TMEM71: variants seen among roughly 807,000 people sequenced by gnomAD.
TMEM71 encodes transmembrane protein 71.
In TMEM71, 44 loss-of-function variants were observed where a neutral mutation model predicts 38.0. That is an observed-to-expected ratio of 1.16 (90% CI 0.91 to 1.49). The LOEUF is 1.49. TMEM71 is among the 40% of genes most tolerant of loss of function. TMEM71 has a pLI of 0.00. For synonymous variants in TMEM71, 133 were observed against 122.5 expected (o/e 1.09, Z -0.56); for missense variants, 367 against 348.6 (o/e 1.05, Z -0.42).
chr8:132,738,508 T>C (rs1204593530), intron 5 of TMEM71, among the ~76,000 whole-genome samples: 1 of 152,200 alleles, frequency 6.6e-6, no homozygotes, highest in Non-Finnish European at 1.5e-5. Context: ...TTTAATTGCC[T>C]CAGAGCTCCC....
intron 5 of TMEM71, among the ~76,000 whole-genome samples, chr8:132,728,407 T>C (rs1209397420): frequency 2.6e-5 from 4 of 152,122 alleles, no homozygotes; most frequent in African/African-American, 9.7e-5. Context: ...TTATTCACTA[T>C]CATGAGAACA....
chr8:132,715,170 GC>G (rs1826440987), intron 7 of TMEM71, among the ~76,000 whole-genome samples: 1 of 151,940 alleles, frequency 6.6e-6, no homozygotes, highest in African/African-American at 2.4e-5. Flanking sequence ...ACTTTGGGAG[GC>G]CGAGGCGGGC....
At chr8:132,760,409 C>T (rs749676101) in intron 1 of TMEM71, 67 bp downstream of exon 1, 11 of 152,308 alleles carry the variant, frequency 7.2e-5, no homozygotes, top group African/African-American at 2.2e-4. Context: ...TGAGCAGTTC[C>T]TCGGCTGAAA....
chr8:132,731,136 T>C (rs1563748190), intron 5 of TMEM71, among the ~76,000 whole-genome samples: 1 of 152,212 alleles, frequency 6.6e-6, no homozygotes, highest in Non-Finnish European at 1.5e-5. Context: ...TAGTAATGTC[T>C]ACTTTTTTAC....
intron 6 of TMEM71, among the ~76,000 whole-genome samples, chr8:132,726,840 C>A (rs2131057745): frequency 6.6e-6 from 1 of 150,566 alleles, no homozygotes; most frequent in African/African-American, 2.5e-5. Flanking sequence ...TTGTTGTTTC[C>A]TCTTCTTCTT....
chr8:132,728,049 TTCA>T, intron 5 of TMEM71, 63 bp from the exon 6 acceptor site: 8 of 1,061,864 alleles, frequency 7.5e-6, no homozygotes, highest in South Asian at 1.6e-5. Flanking sequence ...TGTGTGTGTG[TTCA>T]GTGACTGCTC....
chr8:132,719,822 T>C (rs1826741513), intron 7 of TMEM71, among the ~76,000 whole-genome samples: 1 of 152,206 alleles, frequency 6.6e-6, no homozygotes, highest in Non-Finnish European at 1.5e-5. Context: ...CATGGTAATG[T>C]ACCAACACTG....
At chr8:132,709,885 G>A (rs1047836251), downstream of TMEM71, 23 of 151,684 alleles carry the variant, frequency 1.5e-4, no homozygotes, top group Non-Finnish European at 2.8e-4. Flanking sequence ...ATGATGTTCT[G>A]CCATGATTTC....
intron 6 of TMEM71, among the ~76,000 whole-genome samples, chr8:132,724,197 C>G (rs1827005076): frequency 6.6e-6 from 1 of 152,176 alleles, no homozygotes; most frequent in Admixed American, 6.5e-5. Flanking sequence ...AACATCTTAA[C>G]AGAAAACAGA....
chr8:132,721,042 A>G (rs1826813945), intron 7 of TMEM71, among the ~76,000 whole-genome samples: 1 of 152,184 alleles, frequency 6.6e-6, no homozygotes, highest in Admixed American at 6.5e-5. Context: ...GTGGCATGCT[A>G]TTTATAAAGG....
At chr8:132,709,786 G>A (rs1228907365), downstream of TMEM71, among the ~76,000 whole-genome samples, 1 of 152,050 alleles carries the variant, frequency 6.6e-6, no homozygotes, top group African/African-American at 2.4e-5. Flanking sequence ...CTCCAGAACT[G>A]TAAAACAATA....
intron 6 of TMEM71, among the ~76,000 whole-genome samples, chr8:132,726,051 A>G (rs529434342): frequency 2.2e-4 from 33 of 152,224 alleles, no homozygotes; most frequent in Non-Finnish European, 1.0e-4. Flanking sequence ...TTCACAGATG[A>G]CAATGACCTA....
the TMEM71 span, among the ~76,000 whole-genome samples, chr8:132,774,996 T>C: frequency 6.6e-6 from 1 of 152,230 alleles, no homozygotes; most frequent in African/African-American, 2.4e-5. Context: ...TTTGTAGTAG[T>C]AACCATGCTC....
At position 132,733,849 on chromosome 8, in the gene TMEM71, G is replaced by A. The variant is rs150504682; in HGVS notation, c.488-5863C>T. On this transcript the variant is annotated intron_variant, in intron 5 of 9. Coordinates refer to ENST00000677595, the MANE Select transcript of TMEM71 (RefSeq NM_001382403.1). ...AAAAAAGAAGGAAATCTTGCCATTT[G>A]CAAGAACATGGATAAACCTGGAGCA... Among the ~76,000 whole-genome samples, 781 of 152,266 alleles carry A rather than the reference G, an allele frequency of 5.1e-3. 26 individuals are homozygous for A. The highest frequency in any genetic ancestry group is 0.037 in the Admixed American group (561 of 15,270).
chr8:132,746,843 G>A (rs1254705273), intron 5 of TMEM71, 99 bp downstream of exon 5: 3 of 965,870 alleles, frequency 3.1e-6, no homozygotes, highest in Non-Finnish European at 4.4e-6. Flanking sequence ...CCATCAAAAT[G>A]ACTGTCATCC....
rs544179649 is a variant in TMEM71 at position 132,729,545 on chromosome 8, C to T, written c.488-1559G>A. 1.9e-3 allele frequency among the ~76,000 whole-genome samples: 295 copies of T among 152,298 alleles called. 3 individuals are homozygous for T. The highest frequency in any genetic ancestry group is 6.5e-3 in the African/African-American group (269 of 41,556). On this transcript the variant is annotated intron_variant, in intron 5 of 9. Coordinates refer to ENST00000677595, the MANE Select transcript of TMEM71 (RefSeq NM_001382403.1). ...ATGTAGGTGTTTTCTAAGCTGACATCTAAAAGGGACTGCACATGCCCAACA... is the reference window on the plus strand; with the variant it reads ...ATGTAGGTGTTTTCTAAGCTGACATTTAAAAGGGACTGCACATGCCCAACA...
In TMEM71 at chr8:132,710,147, G is replaced by A. The variant is rs770417879; in HGVS notation, c.*820C>T. Reference sequence around the variant, plus strand: ...TGCTTTGTGAACACGCACCAAGTGTGGGGGGTGGAAAGGGAACATCTACAG... The same window carrying A: ...TGCTTTGTGAACACGCACCAAGTGTAGGGGGTGGAAAGGGAACATCTACAG... On this transcript the variant is annotated 3_prime_UTR_variant, in exon 10 of 10. Coordinates refer to ENST00000677595, the MANE Select transcript of TMEM71 (RefSeq NM_001382403.1). 1.3e-5 allele frequency: 2 copies of A among 152,078 alleles called. No homozygotes were observed. Among genetic ancestry groups the A allele is most frequent in the Non-Finnish European group, 2.9e-5 (2 of 68,032 alleles). 9.4% of individuals were successfully genotyped at this position (152,078 alleles called of 1,614,324 possible).
At position 132,722,057 on chromosome 8, in the gene TMEM71, G is replaced by C; in HGVS notation, c.735C>G (p.Ile245Met). Residue 245 changes from isoleucine to methionine, a missense_variant, in exon 7 of 10, where the codon ATC (isoleucine) becomes ATG (methionine). Physicochemically the swap from Ile to Met is conservative, Grantham distance 10. Coordinates refer to ENST00000677595, the MANE Select transcript of TMEM71 (RefSeq NM_001382403.1). ...TGAATTACCTTGCACATGCAGAAATGATTAAGCACACAGCAAGCAGGATTG... is the reference window on the plus strand; with the variant it reads ...TGAATTACCTTGCACATGCAGAAATCATTAAGCACACAGCAAGCAGGATTG... ...FQAILLAVCL[I>M]ISACARWFMG... is the part of the protein sequence containing the mutation. 1 of 1,613,902 alleles carries C rather than the reference G, an allele frequency of 6.2e-7. No homozygotes were observed. The highest frequency in any genetic ancestry group is 1.1e-5 in the South Asian group (1 of 91,078).
At chr8:132,719,105 A>G (rs1223033890) in intron 7 of TMEM71, among the ~76,000 whole-genome samples, 3 of 152,228 alleles carry the variant, frequency 2.0e-5, no homozygotes, top group Non-Finnish European at 4.4e-5. Context: ...TTTTTTGTAT[A>G]AACACCTGTA....
Sources: gnomAD v4.1 joint callset for allele counts (sites outside exome capture counted in the v4.1 genomes callset) on GRCh38, gnomAD v4.1.1 for gene constraint, MANE v1.5 for transcripts, NCBI Gene and HGNC (gene_info 2026-07-23, HGNC 2026-07-21) for gene names.